CHSY3: variants seen among roughly 807,000 people sequenced by gnomAD.
CHSY3 encodes N-acetylgalactosaminyl-proteoglycan 3-beta-glucuronosyltransferase 3.
CHSY3 carries 35 observed loss-of-function variants against 67.2 expected under a neutral mutation model. The observed-to-expected ratio is 0.52, with a 90% confidence interval of 0.40 to 0.69. CHSY3 has a LOEUF of 0.69. Among genes scored for constraint, CHSY3 ranks in the 30% least tolerant of loss-of-function variants. CHSY3 has a pLI of 0.00. For missense variants in CHSY3, 1,069 were observed against 1,138.5 expected (o/e 0.94, Z 0.88); for synonymous variants, 474 against 434.7 (o/e 1.09, Z -1.12).
intron 2 of CHSY3, among the ~76,000 whole-genome samples, chr5:130,034,642 T>TAA (rs1764796679): frequency 6.6e-6 from 1 of 151,950 alleles, no homozygotes; most frequent in Non-Finnish European, 1.5e-5. Flanking sequence ...GATAAACAAT[T>TAA]AAAAGTAAGC....
At chr5:129,925,205 G>A (rs1761062724) in intron 2 of CHSY3, among the ~76,000 whole-genome samples, 1 of 152,092 alleles carries the variant, frequency 6.6e-6, no homozygotes, top group Non-Finnish European at 1.5e-5. Context: ...AATGAACCTG[G>A]GAAGAGTTGA....
intron 2 of CHSY3, among the ~76,000 whole-genome samples, chr5:130,163,985 A>G (rs1360016219): frequency 2.0e-5 from 3 of 152,208 alleles, no homozygotes; most frequent in Non-Finnish European, 4.4e-5. Flanking sequence ...TCAGGTGATA[A>G]CAGCGATTTT....
At chr5:130,123,427 C>A (rs1768122892) in intron 2 of CHSY3, among the ~76,000 whole-genome samples, 1 of 152,192 alleles carries the variant, frequency 6.6e-6, no homozygotes, top group South Asian at 2.1e-4. Flanking sequence ...AGCATTAGAT[C>A]CTCATAAGGA....
intron 2 of CHSY3, among the ~76,000 whole-genome samples, chr5:130,142,768 G>A (rs1458331617): frequency 2.0e-5 from 3 of 152,084 alleles, no homozygotes; most frequent in African/African-American, 7.2e-5. Context: ...GAGAATCCAT[G>A]GTCTTCACCT....
At chr5:130,035,902 T>G (rs1217430341) in intron 2 of CHSY3, among the ~76,000 whole-genome samples, 1 of 148,766 alleles carries the variant, frequency 6.7e-6, no homozygotes, top group African/African-American at 2.5e-5. Flanking sequence ...TTTTTTTTTT[T>G]TTTTTTTTTT....
chr5:130,146,029 A>G (rs1307916042), intron 2 of CHSY3, among the ~76,000 whole-genome samples: 4 of 152,196 alleles, frequency 2.6e-5, no homozygotes, highest in Non-Finnish European at 5.9e-5. Context: ...TCTATTATGG[A>G]TAACAGTATG....
At chr5:129,905,726 T>G in intron 1 of CHSY3, 95 bp downstream of exon 1, 1 of 1,533,254 alleles carries the variant, frequency 6.5e-7, no homozygotes, top group Non-Finnish European at 8.8e-7. Context: ...CCGCTGCTTC[T>G]CTGCCAGCAC....
chr5:129,989,140 C>T (rs1037636831), intron 2 of CHSY3, among the ~76,000 whole-genome samples: 11 of 152,008 alleles, frequency 7.2e-5, no homozygotes, highest in South Asian at 4.1e-4. Flanking sequence ...TACTGGCTGA[C>T]GGTTCTGGTG....
In CHSY3 at chr5:130,154,207, G is replaced by A. The variant is rs1033287664; in HGVS notation, c.1087-30022G>A. Among the ~76,000 whole-genome samples, 9 of 152,278 alleles carry A rather than the reference G, an allele frequency of 5.9e-5. No homozygotes were observed. The East Asian group carries it at 1.2e-3, about 20-fold the overall frequency. ...GCTGGGATTACAGGCATGAGCCACC[G>A]CGTCTGGCCCTGGCTGTTTTTAAAA... is the stretch of plus-strand genomic sequence containing the variant. On this transcript the variant is annotated intron_variant, in intron 2 of 2. Coordinates refer to ENST00000305031, the MANE Select transcript of CHSY3 (RefSeq NM_175856.5).
intron 2 of CHSY3, among the ~76,000 whole-genome samples, chr5:129,950,166 CA>C (rs34124435): frequency 0.34 from 46,720 of 138,224 alleles, 7,500 homozygotes; most frequent in South Asian, 0.4. Context: ...GACTCCATCT[CA>C]AAAAAAAAAA....
At chr5:129,948,404 A>G (rs143184381) in intron 2 of CHSY3, among the ~76,000 whole-genome samples, 42 of 152,104 alleles carry the variant, frequency 2.8e-4, no homozygotes, top group Non-Finnish European at 4.6e-4. Context: ...CTCATAGCTT[A>G]CCTCCCACTT....
At chr5:130,114,518 C>G (rs886290228) in intron 2 of CHSY3, 1 of 151,988 alleles carries the variant, frequency 6.6e-6, no homozygotes. Context: ...CTTCTAAAAT[C>G]TCTGCATACT....
intron 2 of CHSY3, among the ~76,000 whole-genome samples, chr5:130,064,509 A>G (rs927719511): frequency 6.6e-6 from 1 of 152,214 alleles, no homozygotes; most frequent in Non-Finnish European, 1.5e-5. Context: ...GGCAAGTTTC[A>G]GAAACAAACC....
chr5:130,129,723 C>T (rs1029345612), intron 2 of CHSY3, among the ~76,000 whole-genome samples: 2 of 152,076 alleles, frequency 1.3e-5, no homozygotes, highest in African/African-American at 4.8e-5. Context: ...TTCTGGCTCT[C>T]GCACTGCCCG....
At chr5:130,169,907 T>C (rs762390315) in intron 2 of CHSY3, among the ~76,000 whole-genome samples, 3 of 152,124 alleles carry the variant, frequency 2.0e-5, no homozygotes, top group Non-Finnish European at 4.4e-5. Flanking sequence ...GTGGATACAA[T>C]ACATTCATGA....
intron 2 of CHSY3, among the ~76,000 whole-genome samples, chr5:129,919,031 C>T (rs867086617): frequency 3.8e-4 from 49 of 127,504 alleles, no homozygotes; most frequent in African/African-American, 1.4e-3. Context: ...GGCGTGAACC[C>T]GGGAGGCGGA....
In CHSY3 at chr5:130,128,473, T is replaced by C. The variant is rs147718679; in HGVS notation, c.1087-55756T>C. 1.8e-3 allele frequency among the ~76,000 whole-genome samples: 272 copies of C among 151,918 alleles called. 2 individuals are homozygous for C. The highest frequency in any genetic ancestry group is 6.5e-3 in the African/African-American group (268 of 41,458). On this transcript the variant is annotated intron_variant, in intron 2 of 2. Coordinates refer to ENST00000305031, the MANE Select transcript of CHSY3 (RefSeq NM_175856.5). ...ACTTATATGTAGAATCTAAGTTAAA[T>C]AATATAGGAGCAAGTAGAATGGTAA...
At position 129,905,096 on chromosome 5, in the gene CHSY3, C is replaced by G. The variant is rs1028144355; in HGVS notation, c.267C>G (p.Pro89=). ...ARQDLQGPPL[P]EAAPGITSFR... ...AGGATCTCCAGGGGCCACCGCTGCC[C>G]GAGGCAGCACCCGGGATCACCAGTT... Residue 89 remains proline, a synonymous_variant, in exon 1 of 3, where the codon CCC becomes CCG. Coordinates refer to ENST00000305031, the MANE Select transcript of CHSY3 (RefSeq NM_175856.5). 3 of 1,541,612 alleles carry G rather than the reference C, an allele frequency of 1.9e-6. No individual in the cohort carries two copies. The highest frequency in any genetic ancestry group is 1.9e-5 in the Admixed American group (1 of 52,716).
rs574740556 is a variant in CHSY3 at position 129,923,479 on chromosome 5, A to C, written c.1086+15119A>C. Among the ~76,000 whole-genome samples, 15 of 151,826 alleles carry C rather than the reference A, an allele frequency of 9.9e-5. No individual in the cohort carries two copies. The South Asian group carries it at 3.1e-3, about 32-fold the overall frequency. On this transcript the variant is annotated intron_variant, in intron 2 of 2. Coordinates refer to ENST00000305031, the MANE Select transcript of CHSY3 (RefSeq NM_175856.5). ...TCCAAGTGCTGGAGTTGTAGCAGTC[A>C]AAAAAAATAGACAAACTTCCCTAAC...
Sources: allele counts gnomAD v4.1 joint callset (sites outside exome capture counted in the v4.1 genomes callset), GRCh38; gene constraint gnomAD v4.1.1; transcripts MANE v1.5; gene names NCBI Gene and HGNC (gene_info 2026-07-23, HGNC 2026-07-21).